GABRB3: variants seen among roughly 807,000 people sequenced by gnomAD.
GABRB3 encodes the protein gamma-aminobutyric acid type A receptor subunit beta3.
A neutral mutation model predicts 52.1 loss-of-function variants in GABRB3; 14 were observed. The observed-to-expected ratio is 0.27, with a 90% CI of 0.18 to 0.42. GABRB3 has a LOEUF of 0.42. GABRB3 is among the 10% of genes least tolerant of loss of function. The probability of loss-of-function intolerance (pLI) is 1.00; values close to 1 mark genes in which losing one functional copy is unlikely to be tolerated. For missense variants in GABRB3, 307 were observed against 609.1 expected, an observed-to-expected ratio of 0.50 and a Z score of 5.22; for synonymous variants, 260 against 232.3, an observed-to-expected ratio of 1.12 and a Z score of -1.08.
chr15:26,735,766 T>C (rs576447704), intron 3 of GABRB3, among the ~76,000 whole-genome samples: 48 of 151,396 alleles, frequency 3.2e-4, no homozygotes, highest in African/African-American at 1.1e-3. Context: ...CTGGGCAATA[T>C]AGGGAGACCC....
At chr15:26,665,910 G>C (rs1234793489) in intron 3 of GABRB3, among the ~76,000 whole-genome samples, 1 of 152,192 alleles carries the variant, frequency 6.6e-6, no homozygotes, top group East Asian at 1.9e-4. Context: ...TAAAAAGTGT[G>C]CATTTGTGTT....
chr15:26,727,681 C>T (rs529276746), intron 3 of GABRB3, among the ~76,000 whole-genome samples: 2 of 152,294 alleles, frequency 1.3e-5, no homozygotes, highest in East Asian at 1.9e-4. Context: ...TCTCAGCCAT[C>T]GCTGTAGCCA....
intron 6 of GABRB3, among the ~76,000 whole-genome samples, chr15:26,575,913 T>C (rs1890574969): frequency 6.6e-6 from 1 of 152,186 alleles, no homozygotes; most frequent in Non-Finnish European, 1.5e-5. Context: ...TAAAGAAGCA[T>C]ATTAAATCAT....
intron 3 of GABRB3, chr15:26,624,721 T>C: frequency 1.0e-6 from 1 of 984,154 alleles, no homozygotes; most frequent in Non-Finnish European, 1.2e-6. Context: ...ATCACATCAG[T>C]GGGGGCACAA....
At chr15:26,580,638 GC>G (rs1267517909) in intron 5 of GABRB3, 182 bp from the exon 6 acceptor site, 11 of 798,358 alleles carry the variant, frequency 1.4e-5, no homozygotes, top group Middle Eastern at 2.5e-4. Flanking sequence ...TGTTACTGCT[GC>G]CATTTTATTT....
intron 3 of GABRB3, among the ~76,000 whole-genome samples, chr15:26,732,390 A>C (rs1046530475): frequency 1.3e-5 from 2 of 152,118 alleles, no homozygotes; most frequent in African/African-American, 2.4e-5. Context: ...TATGAATCAC[A>C]CTTCTTCTTA....
intron 3 of GABRB3, among the ~76,000 whole-genome samples, chr15:26,757,537 G>A (rs1890697088): frequency 6.6e-6 from 1 of 152,140 alleles, no homozygotes; most frequent in South Asian, 2.1e-4. Flanking sequence ...TTGGATTTAT[G>A]TCACTGGACA....
intron 3 of GABRB3, among the ~76,000 whole-genome samples, chr15:26,661,819 G>C (rs1461809988): frequency 6.6e-6 from 1 of 152,188 alleles, no homozygotes; most frequent in African/African-American, 2.4e-5. Flanking sequence ...GCATGGAACA[G>C]CGTCCTCCCA....
intron 8 of GABRB3, among the ~76,000 whole-genome samples, chr15:26,553,004 C>A (rs1889537711): frequency 1.3e-5 from 2 of 152,152 alleles, no homozygotes; most frequent in Admixed American, 1.3e-4. Context: ...AAATTGAGGT[C>A]ATTTATCAAA....
chr15:26,621,270 T>C lies in GABRB3; in HGVS notation c.461+44A>G. ...TCTCAAGTGAGATATTCAACACCCA[T>C]GCACCATGCAACAGCAAAATTGGTC... On this transcript the variant is annotated intron_variant, in intron 4 of 8. Transcript: ENST00000311550. The surrounding 1 kb of genome is among the most constrained non-coding windows in gnomAD (Gnocchi z 4.1). 7.0e-7 allele frequency: 1 copy of C among 1,418,880 alleles called. No individual in the cohort carries two copies. The highest frequency in any genetic ancestry group is 1.0e-6 in the Non-Finnish European group (1 of 1,003,648). 87.9% of individuals were successfully genotyped at this position (1,418,880 alleles called of 1,614,324 possible).
At chr15:26,728,424 C>T (rs1889827117) in intron 3 of GABRB3, among the ~76,000 whole-genome samples, 2 of 152,158 alleles carry the variant, frequency 1.3e-5, no homozygotes, top group South Asian at 4.1e-4. Context: ...GGAAAATAAA[C>T]ACCGCGTGCT....
chr15:26,590,510 C>A (rs780046243), intron 4 of GABRB3, among the ~76,000 whole-genome samples: 1 of 152,140 alleles, frequency 6.6e-6, no homozygotes, highest in Non-Finnish European at 1.5e-5. Context: ...ATCATTTTAC[C>A]AGGAAAAGGA....
intron 3 of GABRB3, among the ~76,000 whole-genome samples, chr15:26,745,571 TCA>T (rs1890316056): frequency 6.6e-6 from 1 of 152,122 alleles, no homozygotes; most frequent in Admixed American, 6.5e-5. Context: ...CCTCCTGGGC[TCA>T]GTTTTTTTCT....
intron 3 of GABRB3, among the ~76,000 whole-genome samples, chr15:26,735,902 C>A (rs1890052029): frequency 6.6e-6 from 1 of 150,648 alleles, no homozygotes; most frequent in Admixed American, 6.6e-5. Flanking sequence ...CTGCAGTGAG[C>A]TATGACCGTA....
chr15:26,770,025 T>A (rs780624551), intron 3 of GABRB3, among the ~76,000 whole-genome samples: 1 of 152,258 alleles, frequency 6.6e-6, no homozygotes, highest in Non-Finnish European at 1.5e-5. Context: ...GCTTATATAT[T>A]TTCTGTTCTT....
At chr15:26,585,711 A>T (rs1890956921) in intron 4 of GABRB3, among the ~76,000 whole-genome samples, 1 of 152,228 alleles carries the variant, frequency 6.6e-6, no homozygotes, top group Admixed American at 6.5e-5. Context: ...ATGTCATAAC[A>T]CTTCCCCTTA....
At chr15:26,648,063 G>C (rs1052193842) in intron 3 of GABRB3, among the ~76,000 whole-genome samples, 3 of 152,170 alleles carry the variant, frequency 2.0e-5, no homozygotes, top group Admixed American at 2.0e-4. Context: ...CCTTCCCATT[G>C]TTGTGTTACC....
At chr15:26,554,207 A>ATATATATATTTATT (rs1348288306) in intron 8 of GABRB3, among the ~76,000 whole-genome samples, 614 of 57,784 alleles carry the variant, frequency 0.011, 96 homozygotes, top group Middle Eastern at 0.026. Flanking sequence ...ATATATATAT[A>ATATATATATTTATT]TAGTAGAAAC....
intron 4 of GABRB3, among the ~76,000 whole-genome samples, chr15:26,619,092 T>C (rs941231266): frequency 6.6e-6 from 1 of 151,812 alleles, no homozygotes; most frequent in African/African-American, 2.4e-5. Context: ...AGTTCAACCA[T>C]TGTGGAAGTC....
Sources: gnomAD v4.1 joint callset for allele counts (sites outside exome capture counted in the v4.1 genomes callset) on GRCh38, gnomAD v4.1.1 for gene constraint, Gnocchi (gnomAD v3.1) non-coding constraint, MANE v1.5 for transcripts, NCBI Gene and HGNC (gene_info 2026-07-23, HGNC 2026-07-21) for gene names.